Variants in LRTM2 observed in about 807,000 individuals in gnomAD.
LRTM2 encodes the protein leucine rich repeat transmembrane protein 2.
Under a neutral mutation model 28.1 loss-of-function variants are expected in LRTM2, and 18 were observed. The ratio of observed to expected loss-of-function variants is 0.64; its 90% confidence interval spans 0.44 to 0.95. LRTM2 has a LOEUF of 0.95. Among genes scored for constraint, LRTM2 ranks in the 40% least tolerant of loss-of-function variants. The pLI is 0.00. For missense variants in LRTM2, 436 were observed against 497.2 expected, an observed-to-expected ratio of 0.88 and a Z score of 1.17; for synonymous variants, 250 against 218.7, an observed-to-expected ratio of 1.14 and a Z score of -1.26.
intron 1 of LRTM2, chr12:1,822,109 G>C (rs1864128850): frequency 6.6e-6 from 1 of 152,196 alleles, no homozygotes; most frequent in African/African-American, 2.4e-5. Context: ...TGCCAAAAGA[G>C]GGAGACCAGG....
chr12:1,826,000 G>A (rs1395867907), intron 1 of LRTM2, among the ~76,000 whole-genome samples: 1 of 152,214 alleles, frequency 6.6e-6, no homozygotes, highest in African/African-American at 2.4e-5. Flanking sequence ...CTGTTTGAAG[G>A]CAGGCCTGCG....
intron 1 of LRTM2, among the ~76,000 whole-genome samples, chr12:1,822,517 C>T (rs901434837): frequency 1.3e-5 from 2 of 152,166 alleles, no homozygotes; most frequent in South Asian, 2.1e-4. Flanking sequence ...GACACCTTAG[C>T]CTCCTTCATG....
intron 3 of LRTM2, 89 bp from the exon 4 acceptor site, chr12:1,830,846 C>G (rs1196517602): frequency 1.8e-6 from 2 of 1,086,688 alleles, no homozygotes; most frequent in Non-Finnish European, 2.6e-6. Flanking sequence ...AAGCCAAGAG[C>G]CTGTTATGAG....
chr12:1,825,279 G>A (rs1864268359), intron 1 of LRTM2, among the ~76,000 whole-genome samples: 1 of 152,224 alleles, frequency 6.6e-6, no homozygotes, highest in African/African-American at 2.4e-5. Flanking sequence ...GCCTATCCAG[G>A]GGAGGCAGAA....
At position 1,829,449 on chromosome 12, in the gene LRTM2, C is replaced by T. The variant is rs12299624; in HGVS notation, c.67+1234C>T. ...CCAAGATGGCCAGAAAAAGGGTCTC[C>T]GGTGGCTTCCATGGCTGTACCTGTG... On this transcript the variant is annotated intron_variant, in intron 3 of 4. Coordinates refer to ENST00000299194, the MANE Select transcript of LRTM2 (RefSeq NM_001039029.3). The surrounding 1 kb of genome is among the most constrained non-coding windows in gnomAD (Gnocchi z 4.2). Among the ~76,000 whole-genome samples the T allele has an allele frequency of 0.023, 3,524 of 152,036 alleles. 146 individuals are homozygous for T. The highest frequency in any genetic ancestry group is 0.08 in the African/African-American group (3,333 of 41,466).
At position 1,829,598 on chromosome 12, in the gene LRTM2, C is replaced by A. The variant is rs1244222298; in HGVS notation, c.68-1337C>A. Among the ~76,000 whole-genome samples the A allele has an allele frequency of 1.3e-5, 2 of 151,976 alleles. No individual in the cohort carries two copies. Among genetic ancestry groups the A allele is most frequent in the African/African-American group, 4.8e-5 (2 of 41,400 alleles). On this transcript the variant is annotated intron_variant, in intron 3 of 4. Coordinates refer to ENST00000299194, the MANE Select transcript of LRTM2 (RefSeq NM_001039029.3). The surrounding 1 kb of genome is among the most constrained non-coding windows in gnomAD (Gnocchi z 4.2). ...CAGGCAGGGAAGGGGAGAGTCTCAT[C>A]CTGTTCCTTCAAGCTCCACCCTTTG...
chr12:1,835,422 T>TACACACAC lies in LRTM2; in HGVS notation c.*716_*723dup, dbSNP rs137889817. The TACACACAC allele has an allele frequency of 5.6e-4, 84 of 150,624 alleles. No homozygotes were observed. The highest frequency in any genetic ancestry group is 2.1e-3 in the African/African-American group (84 of 40,902). The allele number at this position is 150,624 out of a possible 1,614,324, so 9.3% of individuals were successfully genotyped here. ...CGGTCACATGGATTGAAAGAATTAA[T>TACACACAC]ACACACACACACACACACACACTCA... is the stretch of plus-strand genomic sequence containing the variant. On this transcript the variant is annotated 3_prime_UTR_variant, in exon 5 of 5. Transcript: ENST00000299194.
Position 1,834,726 on chromosome 12 carries a change from C to A in LRTM2, c.*5C>A. On this transcript the variant is annotated 3_prime_UTR_variant, in exon 5 of 5. Coordinates refer to ENST00000299194, the MANE Select transcript of LRTM2 (RefSeq NM_001039029.3). The surrounding 1 kb of genome is among the most constrained non-coding windows in gnomAD (Gnocchi z 7.6). The stretch of plus-strand genomic sequence containing the variant: ...CAGATCTCTTCTGTGGCCTGAGCGC[C>A]CATCCCCACCCGGCCAGGTAGGAAG... The A allele has an allele frequency of 6.3e-7, 1 of 1,578,500 alleles. No individual in the cohort carries two copies. The highest frequency in any genetic ancestry group is 1.1e-5 in the South Asian group (1 of 88,706).
rs372204029 is a variant in LRTM2, at chr12:1,834,688, C to T, written c.1080C>T (p.His360=). 25 of 1,601,682 alleles carry T rather than the reference C, an allele frequency of 1.6e-5. No homozygotes were observed. Among genetic ancestry groups the T allele is most frequent in the Non-Finnish European group, 1.9e-5 (22 of 1,179,174 alleles). ...QPLMGDPEGE[H]EDQKQISSVA Reference sequence around the variant, plus strand: ...TGATGGGGGACCCCGAGGGCGAGCACGAGGACCAGAAGCAGATCTCTTCTG... The same window carrying T: ...TGATGGGGGACCCCGAGGGCGAGCATGAGGACCAGAAGCAGATCTCTTCTG... The change falls in exon 5 of 5, where the codon CAC becomes CAT. Residue 360 remains histidine, a synonymous_variant. Coordinates refer to ENST00000299194, the MANE Select transcript of LRTM2 (RefSeq NM_001039029.3). The surrounding 1 kb of genome is among the most constrained non-coding windows in gnomAD (Gnocchi z 7.6).
chr12:1,831,551 C>T, intron 4 of LRTM2, 26 bp downstream of exon 4: 1 of 1,581,748 alleles, frequency 6.3e-7, no homozygotes, highest in South Asian at 1.1e-5. Context: ...CCTGCTGGGG[C>T]CCGAGGGATT....
intron 1 of LRTM2, among the ~76,000 whole-genome samples, chr12:1,822,431 C>T (rs1239895115): frequency 6.6e-6 from 1 of 152,124 alleles, no homozygotes; most frequent in Non-Finnish European, 1.5e-5. Flanking sequence ...GCCAAGCCTC[C>T]TGTGCCCTGC....
rs560690381 is a variant in LRTM2 at position 1,833,857 on chromosome 12, G to C, written c.659-410G>C. ...AGACAGGTGATGAGCAGGCAGATTCGGGGGCAGAGAGTGTGGCAGGGACGC... is the reference window on the plus strand; with the variant it reads ...AGACAGGTGATGAGCAGGCAGATTCCGGGGCAGAGAGTGTGGCAGGGACGC... On this transcript the variant is annotated intron_variant, in intron 4 of 4. Transcript: ENST00000299194. The surrounding 1 kb of genome is among the most constrained non-coding windows in gnomAD (Gnocchi z 4.2). Among the ~76,000 whole-genome samples, 1 of 152,138 alleles carries C rather than the reference G, an allele frequency of 6.6e-6. No individual in the cohort carries two copies. Among genetic ancestry groups the C allele is most frequent in the Admixed American group, 6.5e-5 (1 of 15,276 alleles).
intron 3 of LRTM2, among the ~76,000 whole-genome samples, chr12:1,830,615 C>CCT (rs1864578584): frequency 6.6e-6 from 1 of 152,208 alleles, no homozygotes; most frequent in African/African-American, 2.4e-5. Context: ...CTGTGAGCTT[C>CCT]CTATCACTGC....
chr12:1,827,087 G>A (rs533723968), intron 1 of LRTM2, among the ~76,000 whole-genome samples: 4 of 152,328 alleles, frequency 2.6e-5, no homozygotes, highest in African/African-American at 4.8e-5. Context: ...CAGGGAGCCC[G>A]TGGAGGGCGA....
rs1864752619 is a variant in LRTM2, at chr12:1,834,239, AG to A, written c.659-27del. On this transcript the variant is annotated intron_variant, in intron 4 of 4. Transcript: ENST00000299194. The surrounding 1 kb of genome is among the most constrained non-coding windows in gnomAD (Gnocchi z 7.6). ...GAGTGCAAGTTCTAGATGCCTGGTC[AG>A]CCCCTCTTTTTCTCTTCTGCATGTA... 1 of 1,526,428 alleles carries A rather than the reference AG, an allele frequency of 6.6e-7. No individual in the cohort carries two copies. The highest frequency in any genetic ancestry group is 8.8e-7 in the Non-Finnish European group (1 of 1,135,834). The allele number at this position is 1,526,428 out of a possible 1,614,324, so 94.6% of individuals were successfully genotyped here.
intron 1 of LRTM2, among the ~76,000 whole-genome samples, chr12:1,826,620 G>C (rs1055166166): frequency 2.0e-5 from 3 of 152,214 alleles, no homozygotes; most frequent in Non-Finnish European, 2.9e-5. Flanking sequence ...GGGGCCTTCG[G>C]CAGACTGGCA....
chr12:1,828,378 C>T lies in LRTM2; in HGVS notation c.67+163C>T, dbSNP rs867758940. Among the ~76,000 whole-genome samples the T allele has an allele frequency of 5.3e-5, 8 of 152,306 alleles. No individual in the cohort carries two copies. The highest frequency in any genetic ancestry group is 7.2e-5 in the African/African-American group (3 of 41,576). ...GCTATGTTCTGGGAAGCCAGGGTCACGCCCACGGTGACAGCATCCCTGCCA... is the reference window on the plus strand; with the variant it reads ...GCTATGTTCTGGGAAGCCAGGGTCATGCCCACGGTGACAGCATCCCTGCCA... On this transcript the variant is annotated intron_variant, in intron 3 of 4. Coordinates refer to ENST00000299194, the MANE Select transcript of LRTM2 (RefSeq NM_001039029.3). The surrounding 1 kb of genome is among the most constrained non-coding windows in gnomAD (Gnocchi z 4.2).
At position 1,828,098 on chromosome 12, in the gene LRTM2, G is replaced by A. The variant is rs758936726; in HGVS notation, c.-51G>A. The A allele has an allele frequency of 3.2e-5, 47 of 1,465,980 alleles. No individual in the cohort carries two copies. The highest frequency in any genetic ancestry group is 4.9e-5 in the Admixed American group (2 of 40,834). The allele number at this position is 1,465,980 out of a possible 1,614,324, so 90.8% of individuals were successfully genotyped here. A position where few individuals can be genotyped will look rare whatever the true frequency, so the allele number is the denominator to read the frequency against. On this transcript the variant is annotated 5_prime_UTR_variant, in exon 3 of 5. Transcript: ENST00000299194. This position sits in a 1 kb window ranked among gnomAD's most constrained non-coding sequence, Gnocchi z 4.2. ...CAGGACTGACAGGCGGCGCACCCAGGGGCTCCTCTCTCCCCAGAGCGACAG... is the reference window on the plus strand; with the variant it reads ...CAGGACTGACAGGCGGCGCACCCAGAGGCTCCTCTCTCCCCAGAGCGACAG...
At chr12:1,822,628 T>G (rs1864152167) in intron 1 of LRTM2, among the ~76,000 whole-genome samples, 1 of 152,080 alleles carries the variant, frequency 6.6e-6, no homozygotes, top group Non-Finnish European at 1.5e-5. Context: ...GAAACGGGGG[T>G]GCAGGAGGCT....
Sources: allele counts gnomAD v4.1 joint callset (sites outside exome capture counted in the v4.1 genomes callset), GRCh38; gene constraint gnomAD v4.1.1; non-coding constraint Gnocchi (gnomAD v3.1); transcripts MANE v1.5; gene names NCBI Gene and HGNC (gene_info 2026-07-23, HGNC 2026-07-21).